The following AHI1 variants were observed in gnomAD, a reference collection of about 807,000 sequenced individuals.
AHI1 encodes jouberin.
A neutral mutation model predicts 149.3 loss-of-function variants in AHI1; 123 were observed. That is an observed-to-expected ratio of 0.82 (90% CI 0.71 to 0.96). The LOEUF (loss-of-function observed/expected upper bound fraction) is 0.96. AHI1 is among the 40% of genes least tolerant of loss of function. The pLI is 0.00. For missense variants in AHI1, 1,439 were observed against 1,422.7 expected (o/e 1.01, Z -0.18); for synonymous variants, 475 against 459.8 (o/e 1.03, Z -0.42).
At chr6:135,446,282 T>TA (rs1787197800) in intron 13 of AHI1, among the ~76,000 whole-genome samples, 1 of 151,936 alleles carries the variant, frequency 6.6e-6, no homozygotes, top group Admixed American at 6.6e-5. Context: ...ATGAAATAAT[T>TA]ATGGAAGGGT....
intron 27 of AHI1, among the ~76,000 whole-genome samples, chr6:135,295,678 G>A (rs909520565): frequency 6.6e-6 from 1 of 152,186 alleles, no homozygotes; most frequent in African/African-American, 2.4e-5. Flanking sequence ...GTGAGAGAAA[G>A]TAGATCAGTG....
intron 5 of AHI1, among the ~76,000 whole-genome samples, chr6:135,479,400 G>T (rs112852677): frequency 5.9e-5 from 9 of 152,180 alleles, no homozygotes; most frequent in South Asian, 2.1e-4. Flanking sequence ...TGTCAGGGTC[G>T]TCTAGATGTG....
At chr6:135,465,685 T>C (rs918508177) in intron 7 of AHI1, 129 bp downstream of exon 7, 3 of 729,152 alleles carry the variant, frequency 4.1e-6, no homozygotes, top group African/African-American at 1.8e-5. Flanking sequence ...TAGCTGTTCT[T>C]ATCTTAGTGA....
chr6:135,457,279 T>C (rs973185363), intron 9 of AHI1, among the ~76,000 whole-genome samples: 1 of 152,102 alleles, frequency 6.6e-6, no homozygotes, highest in Non-Finnish European at 1.5e-5. Flanking sequence ...CGAGACTCCA[T>C]CTCGGAAAAA....
chr6:135,489,880 T>C (rs1795001276), intron 5 of AHI1: 3 of 260,912 alleles, frequency 1.1e-5, no homozygotes, highest in Non-Finnish European at 1.4e-5. Flanking sequence ...TTATAACTCA[T>C]TATAAAACTC....
intron 23 of AHI1, among the ~76,000 whole-genome samples, chr6:135,359,055 C>T (rs910998359): frequency 1.5e-4 from 23 of 152,228 alleles, no homozygotes; most frequent in African/African-American, 5.3e-4. Flanking sequence ...TAGTAAAATT[C>T]CTAGTTTAAA....
chr6:135,467,716 G>A (rs1791015676), intron 5 of AHI1, 82 bp from the exon 6 acceptor site: 4 of 981,206 alleles, frequency 4.1e-6, no homozygotes, highest in East Asian at 2.6e-5. Flanking sequence ...GTTCAACTAT[G>A]TGGAATTATT....
intron 15 of AHI1, among the ~76,000 whole-genome samples, 188 bp downstream of exon 15, chr6:135,438,187 A>C (rs1346028246): frequency 6.6e-6 from 1 of 152,218 alleles, no homozygotes; most frequent in Non-Finnish European, 1.5e-5. Flanking sequence ...AATAAAAGAC[A>C]TTTAAGAAAA....
intron 24 of AHI1, among the ~76,000 whole-genome samples, chr6:135,334,497 T>C (rs555019509): frequency 9.8e-5 from 15 of 152,332 alleles, no homozygotes; most frequent in African/African-American, 3.6e-4. Context: ...ACTCGGTCTA[T>C]GGTATTTTGT....
intron 5 of AHI1, among the ~76,000 whole-genome samples, chr6:135,483,671 G>A (rs1794064421): frequency 6.6e-6 from 1 of 152,104 alleles, no homozygotes; most frequent in African/African-American, 2.4e-5. Flanking sequence ...TCCAGACTTA[G>A]CAGTGTAAAA....
chr6:135,386,824 T>C (rs1777668628), intron 23 of AHI1, among the ~76,000 whole-genome samples: 1 of 151,332 alleles, frequency 6.6e-6, no homozygotes, highest in Non-Finnish European at 1.5e-5. Context: ...AGAGACAGGG[T>C]TTCATCATGT....
intron 23 of AHI1, among the ~76,000 whole-genome samples, chr6:135,390,078 C>T (rs531336608): frequency 6.6e-6 from 1 of 151,874 alleles, no homozygotes; most frequent in Admixed American, 6.6e-5. Flanking sequence ...TATGTGCGGC[C>T]CAAGACAAGT....
intron 26 of AHI1, among the ~76,000 whole-genome samples, chr6:135,303,645 G>A (rs1200569540): frequency 2.0e-5 from 3 of 151,992 alleles, no homozygotes; most frequent in African/African-American, 7.2e-5. Flanking sequence ...ACCAGGAATT[G>A]GAGGCCCAGA....
intron 23 of AHI1, among the ~76,000 whole-genome samples, chr6:135,387,384 G>A (rs577870710): frequency 3.3e-5 from 5 of 152,210 alleles, no homozygotes; most frequent in Admixed American, 6.5e-5. Context: ...TCCCCCAACC[G>A]AACCCATGCC....
intron 5 of AHI1, among the ~76,000 whole-genome samples, chr6:135,473,360 A>G (rs1792065191): frequency 6.6e-6 from 1 of 152,148 alleles, no homozygotes; most frequent in Admixed American, 6.5e-5. Context: ...CTTTATAATG[A>G]GTTTTGAATC....
At chr6:135,407,241 A>G (rs1780921789) in intron 21 of AHI1, among the ~76,000 whole-genome samples, 1 of 152,174 alleles carries the variant, frequency 6.6e-6, no homozygotes, top group Non-Finnish European at 1.5e-5. Flanking sequence ...CTGTACCATA[A>G]TTTATTAGAA....
intron 27 of AHI1, among the ~76,000 whole-genome samples, chr6:135,294,324 T>TCAAAA (rs60857616): frequency 0.12 from 17,122 of 147,998 alleles, 1,099 homozygotes; most frequent in Non-Finnish European, 0.14. Flanking sequence ...AGACTCCATC[T>TCAAAA]CAAAACAAAA....
chr6:135,465,778 TA>T, intron 7 of AHI1, 35 bp downstream of exon 7: 1 of 1,422,294 alleles, frequency 7.0e-7, no homozygotes. Flanking sequence ...AGTGTTTTTC[TA>T]AGAGGATATT....
intron 5 of AHI1, among the ~76,000 whole-genome samples, chr6:135,477,201 C>G (rs556118843): frequency 6.6e-6 from 1 of 151,888 alleles, no homozygotes; most frequent in Admixed American, 6.6e-5. Context: ...ACACCACGCC[C>G]GGCTAATTTT....
Sources: gnomAD v4.1 joint callset for allele counts (sites outside exome capture counted in the v4.1 genomes callset) on GRCh38, gnomAD v4.1.1 for gene constraint, MANE v1.5 for transcripts, NCBI Gene and HGNC (gene_info 2026-07-23, HGNC 2026-07-21) for gene names.